GRIK2: variants seen among roughly 807,000 people sequenced by gnomAD.
GRIK2 encodes glutamate receptor ionotropic, kainate 2.
GRIK2 carries 32 observed loss-of-function variants against 100.3 expected under a neutral mutation model. The observed-to-expected ratio is 0.32, with a 90% CI of 0.24 to 0.43. GRIK2 has a LOEUF of 0.43. Ranked by LOEUF, GRIK2 falls within the 20% of genes least tolerant of loss-of-function variation. The pLI is 1.00. For synonymous variants in GRIK2, 417 were observed against 389.4 expected (o/e 1.07, Z -0.83); for missense variants, 843 against 1,114.9 (o/e 0.76, Z 3.47).
intron 12 of GRIK2, among the ~76,000 whole-genome samples, chr6:101,911,385 A>T (rs1030079584): frequency 1.3e-5 from 2 of 151,566 alleles, no homozygotes; most frequent in East Asian, 3.9e-4. Flanking sequence ...TGAATCAAGA[A>T]TATTATTATT....
At chr6:101,806,887 C>T (rs886369442) in intron 9 of GRIK2, among the ~76,000 whole-genome samples, 14 of 151,550 alleles carry the variant, frequency 9.2e-5, no homozygotes, top group South Asian at 8.4e-4. Context: ...TATTTATTCA[C>T]GTGAACTTTA....
intron 4 of GRIK2, among the ~76,000 whole-genome samples, chr6:101,653,489 C>T (rs776278155): frequency 1.2e-4 from 19 of 152,070 alleles, no homozygotes; most frequent in East Asian, 1.9e-4. Context: ...TCCCCAAACT[C>T]GTCATGCTGT....
chr6:101,599,633 T>C (rs1176415418), intron 2 of GRIK2, among the ~76,000 whole-genome samples: 1 of 151,884 alleles, frequency 6.6e-6, no homozygotes, highest in Non-Finnish European at 1.5e-5. Context: ...TCGTTGTGGT[T>C]TTGATTTGTA....
chr6:101,667,039 G>A (rs1369280192), intron 4 of GRIK2, among the ~76,000 whole-genome samples: 1 of 152,126 alleles, frequency 6.6e-6, no homozygotes, highest in Admixed American at 6.6e-5. Flanking sequence ...AAATACCTTT[G>A]TCTATATTTG....
chr6:101,756,063 C>A (rs764250043), intron 7 of GRIK2, among the ~76,000 whole-genome samples: 5 of 152,102 alleles, frequency 3.3e-5, no homozygotes, highest in Admixed American at 6.5e-5. Context: ...CTCCCTCCCC[C>A]CCAGGTTTTG....
chr6:101,635,205 A>G (rs958781491), intron 4 of GRIK2, among the ~76,000 whole-genome samples: 1 of 152,180 alleles, frequency 6.6e-6, no homozygotes, highest in Non-Finnish European at 1.5e-5. Flanking sequence ...TGCAAATACA[A>G]TTAGCAATTA....
At chr6:101,592,115 CTCACTAGGAG>C (rs1287675082) in intron 2 of GRIK2, among the ~76,000 whole-genome samples, 1 of 151,972 alleles carries the variant, frequency 6.6e-6, no homozygotes, top group Non-Finnish European at 1.5e-5. Context: ...TCCTAATGCC[CTCACTAGGAG>C]CAGATGCCAG....
intron 14 of GRIK2, among the ~76,000 whole-genome samples, chr6:101,964,742 C>T (rs1792549434): frequency 6.6e-6 from 1 of 152,080 alleles, no homozygotes; most frequent in Admixed American, 6.5e-5. Flanking sequence ...ATGGAAGGTG[C>T]AAATTTGATA....
chr6:102,043,544 T>TAATA (rs1337938915), intron 15 of GRIK2, among the ~76,000 whole-genome samples: 2 of 151,988 alleles, frequency 1.3e-5, no homozygotes, highest in East Asian at 3.9e-4. Flanking sequence ...TCATTTAGCA[T>TAATA]AATATTCTCT....
At chr6:101,691,689 A>G (rs1772109330) in intron 7 of GRIK2, among the ~76,000 whole-genome samples, 1 of 152,168 alleles carries the variant, frequency 6.6e-6, no homozygotes, top group Non-Finnish European at 1.5e-5. Context: ...GATAATGTTT[A>G]TGAGAGGTGA....
intron 4 of GRIK2, among the ~76,000 whole-genome samples, chr6:101,642,368 T>A (rs1191001327): frequency 6.6e-6 from 1 of 151,730 alleles, no homozygotes; most frequent in African/African-American, 2.4e-5. Flanking sequence ...AAAACTAAAC[T>A]TTTGTATGCA....
chr6:101,547,646 A>G (rs1776310351), intron 2 of GRIK2, among the ~76,000 whole-genome samples: 3 of 152,198 alleles, frequency 2.0e-5, no homozygotes, highest in Admixed American at 1.3e-4. Context: ...AAAGGACATG[A>G]ACTCATCATT....
chr6:101,610,949 T>C (rs888613456), intron 2 of GRIK2, among the ~76,000 whole-genome samples: 2 of 151,790 alleles, frequency 1.3e-5, no homozygotes, highest in African/African-American at 4.8e-5. Context: ...CCAATCAGTA[T>C]GCAGGCCCTC....
intron 7 of GRIK2, among the ~76,000 whole-genome samples, chr6:101,687,800 T>C (rs908576495): frequency 1.4e-4 from 21 of 151,764 alleles, no homozygotes; most frequent in Non-Finnish European, 2.8e-4. Context: ...ACAGTTCTAG[T>C]AGTTTAGTTT....
intron 14 of GRIK2, among the ~76,000 whole-genome samples, chr6:101,990,890 C>G (rs1169869397): frequency 6.6e-6 from 1 of 151,566 alleles, no homozygotes; most frequent in Non-Finnish European, 1.5e-5. Context: ...CATTTTAAAA[C>G]CCTAATGTTG....
At chr6:101,793,235 G>A (rs1562391159) in intron 7 of GRIK2, among the ~76,000 whole-genome samples, 1 of 152,168 alleles carries the variant, frequency 6.6e-6, no homozygotes, top group Non-Finnish European at 1.5e-5. Context: ...ATCCAGCTTT[G>A]TTCTGTTGCT....
intron 7 of GRIK2, among the ~76,000 whole-genome samples, chr6:101,707,606 G>GTATATATATATATATATATATATA (rs201561174): frequency 2.4e-5 from 3 of 122,826 alleles, no homozygotes; most frequent in South Asian, 2.8e-4. Context: ...ATATATGTGT[G>GTATATATATATATATATATATATA]TATATATATA....
intron 6 of GRIK2, 54 bp from the exon 7 acceptor site, chr6:101,686,126 T>C: frequency 6.9e-7 from 1 of 1,448,414 alleles, no homozygotes; most frequent in Non-Finnish European, 9.5e-7. Context: ...CAGTAATACA[T>C]GCCTGTGAAG....
chr6:101,507,560 A>G (rs1774089491), intron 2 of GRIK2, among the ~76,000 whole-genome samples: 1 of 152,218 alleles, frequency 6.6e-6, no homozygotes, highest in Non-Finnish European at 1.5e-5. Context: ...CATACAATGA[A>G]ACATTATTTG....
Sources: gnomAD v4.1 joint callset for allele counts (sites outside exome capture counted in the v4.1 genomes callset) on GRCh38, gnomAD v4.1.1 for gene constraint, MANE v1.5 for transcripts, NCBI Gene and HGNC (gene_info 2026-07-23, HGNC 2026-07-21) for gene names.